The following PLEKHG1 variants were observed in gnomAD, a reference collection of about 807,000 sequenced individuals.
The protein encoded by PLEKHG1 is pleckstrin homology and RhoGEF domain containing G1, also known as pleckstrin homology domain-containing family G member 1.
PLEKHG1 carries 44 observed loss-of-function variants against 100.8 expected under a neutral mutation model. The ratio of observed to expected loss-of-function variants is 0.44; its 90% CI spans 0.34 to 0.56. PLEKHG1 has a LOEUF of 0.56. PLEKHG1 is among the 20% of genes least tolerant of loss of function. The probability of loss-of-function intolerance (pLI) is 0.01; values close to 1 mark genes in which losing one functional copy is unlikely to be tolerated. For missense variants in PLEKHG1, 1,545 were observed against 1,720.9 expected (o/e 0.90, Z 1.81); for synonymous variants, 640 against 662.5 (o/e 0.97, Z 0.52).
chr6:150,687,663 C>T (rs1232321949), intron 3 of PLEKHG1, among the ~76,000 whole-genome samples: 3 of 152,162 alleles, frequency 2.0e-5, no homozygotes, highest in Admixed American at 1.3e-4. Context: ...GGGAGGAACA[C>T]AGTGCCAGCT....
At chr6:150,762,955 C>A (rs1408155778) in intron 2 of PLEKHG1, among the ~76,000 whole-genome samples, 2 of 150,280 alleles carry the variant, frequency 1.3e-5, no homozygotes, top group Non-Finnish European at 3.0e-5. Flanking sequence ...CTTAAATGGT[C>A]AAACTCTGAA....
At chr6:150,769,261 A>G (rs1784593032) in intron 3 of PLEKHG1, among the ~76,000 whole-genome samples, 1 of 152,190 alleles carries the variant, frequency 6.6e-6, no homozygotes, top group Non-Finnish European at 1.5e-5. Flanking sequence ...GAGTGAATGA[A>G]TAAGTTATTA....
chr6:150,605,193 G>A (rs547647377), intron 1 of PLEKHG1, among the ~76,000 whole-genome samples: 3 of 152,298 alleles, frequency 2.0e-5, no homozygotes, highest in South Asian at 4.1e-4. Context: ...AAAAGTGGGG[G>A]AACAGTTGTA....
At chr6:150,709,321 C>G (rs1215640609) in intron 3 of PLEKHG1, among the ~76,000 whole-genome samples, 2 of 152,012 alleles carry the variant, frequency 1.3e-5, no homozygotes, top group African/African-American at 4.8e-5. Context: ...GGCGACAGAG[C>G]GAGACTCCAT....
chr6:150,689,232 A>G (rs1455548764), intron 3 of PLEKHG1, among the ~76,000 whole-genome samples: 1 of 152,210 alleles, frequency 6.6e-6, no homozygotes, highest in Non-Finnish European at 1.5e-5. Flanking sequence ...TTTTATGACT[A>G]ATGAGATGGT....
At chr6:150,688,155 T>TA (rs1780206949) in intron 3 of PLEKHG1, among the ~76,000 whole-genome samples, 1 of 134,182 alleles carries the variant, frequency 7.5e-6, no homozygotes, top group South Asian at 2.5e-4. Flanking sequence ...ATCACAGTAT[T>TA]TAAAAAATTA....
chr6:150,688,234 T>C lies in PLEKHG1; in HGVS notation c.-99+37448T>C, dbSNP rs150066020. 6.0e-3 allele frequency among the ~76,000 whole-genome samples: 918 copies of C among 152,256 alleles called. 11 individuals carry two copies. Among genetic ancestry groups the C allele is most frequent in the African/African-American group, 0.021 (853 of 41,554 alleles). On this transcript the variant is annotated intron_variant, in intron 3 of 3. Transcript: ENST00000367326. ...GCTCAGGGAAGTTGATTACTGAGCT[T>C]CAGGCAGCACAGTCAATAAAGTGGC...
At chr6:150,834,799 G>A (rs983585234) in intron 15 of PLEKHG1, among the ~76,000 whole-genome samples, 4 of 152,120 alleles carry the variant, frequency 2.6e-5, no homozygotes, top group African/African-American at 4.8e-5. Flanking sequence ...AATCTCTCCC[G>A]AGTCATCTTC....
chr6:150,798,662 G>C (rs556656203), intron 5 of PLEKHG1, among the ~76,000 whole-genome samples: 1 of 152,328 alleles, frequency 6.6e-6, no homozygotes, highest in East Asian at 1.9e-4. Context: ...TGTTCTGGAA[G>C]ATCAAATAAA....
At chr6:150,605,195 A>T (rs913666747) in intron 1 of PLEKHG1, among the ~76,000 whole-genome samples, 3 of 152,210 alleles carry the variant, frequency 2.0e-5, no homozygotes, top group Non-Finnish European at 4.4e-5. Flanking sequence ...AAGTGGGGGA[A>T]CAGTTGTATT....
At chr6:150,840,069 A>G in exon 16 of PLEKHG1, 1 of 1,614,138 alleles carries the variant, frequency 6.2e-7, no homozygotes, top group Admixed American at 1.7e-5. Flanking sequence ...AAGATATCCC[A>G]CGTTTGAGAT....
At chr6:150,660,662 T>TTAAA (rs1435323461) in intron 3 of PLEKHG1, among the ~76,000 whole-genome samples, 1 of 152,246 alleles carries the variant, frequency 6.6e-6, no homozygotes, top group Non-Finnish European at 1.5e-5. Flanking sequence ...GAGCCAGTTG[T>TTAAA]TAAAAACTCC....
intron 2 of PLEKHG1, among the ~76,000 whole-genome samples, chr6:150,764,621 G>T (rs1784364102): frequency 6.6e-6 from 1 of 152,140 alleles, no homozygotes. Context: ...CCTGACATCT[G>T]GCTGGCCTGA....
chr6:150,615,007 G>A (rs73619648), intron 1 of PLEKHG1, among the ~76,000 whole-genome samples: 3,098 of 152,250 alleles, frequency 0.02, 92 homozygotes, highest in African/African-American at 0.07. Context: ...ATGAATGACC[G>A]AATTACCCTT....
At chr6:150,687,651 A>T (rs1181014196) in intron 3 of PLEKHG1, among the ~76,000 whole-genome samples, 1 of 152,182 alleles carries the variant, frequency 6.6e-6, no homozygotes, top group African/African-American at 2.4e-5. Flanking sequence ...CGATGGACCC[A>T]TGGGAGGAAC....
At chr6:150,736,208 G>A (rs900377628) in intron 2 of PLEKHG1, among the ~76,000 whole-genome samples, 1 of 152,170 alleles carries the variant, frequency 6.6e-6, no homozygotes, top group African/African-American at 2.4e-5. Flanking sequence ...TGACCCAACG[G>A]CCACAGTTTG....
At chr6:150,622,772 A>G (rs2128557854) in intron 1 of PLEKHG1, among the ~76,000 whole-genome samples, 2 of 152,322 alleles carry the variant, frequency 1.3e-5, no homozygotes, top group Middle Eastern at 6.8e-3. Flanking sequence ...CCACTGCAGG[A>G]GATTGGACAA....
chr6:150,732,397 G>C (rs1471224788), intron 1 of PLEKHG1, among the ~76,000 whole-genome samples: 1 of 152,200 alleles, frequency 6.6e-6, no homozygotes, highest in Non-Finnish European at 1.5e-5. Context: ...AAGTGATCTG[G>C]AGAAGTGCTG....
chr6:150,772,746 T>C (rs1040386553), intron 3 of PLEKHG1, among the ~76,000 whole-genome samples: 1 of 152,234 alleles, frequency 6.6e-6, no homozygotes, highest in South Asian at 2.1e-4. Context: ...GTGTATATTA[T>C]CCATTGGTGA....
Sources: allele counts gnomAD v4.1 joint callset (sites outside exome capture counted in the v4.1 genomes callset), GRCh38; gene constraint gnomAD v4.1.1; transcripts MANE v1.5; gene names NCBI Gene and HGNC (gene_info 2026-07-23, HGNC 2026-07-21).